The following PLCB1 variants were observed in gnomAD, a reference collection of about 807,000 sequenced individuals.
The protein encoded by PLCB1 is phospholipase C beta 1.
A neutral mutation model predicts 161.8 loss-of-function variants in PLCB1; 46 were observed. That is an observed-to-expected ratio of 0.28 (90% CI 0.22 to 0.36). The LOEUF is 0.36. PLCB1 is among the 10% of genes least tolerant of loss of function. The pLI is 1.00. For synonymous variants in PLCB1, 517 were observed against 503.7 expected (o/e 1.03, Z -0.35); for missense variants, 1,016 against 1,472.5 (o/e 0.69, Z 5.07).
At chr20:8,504,350 T>A (rs1036227724) in intron 3 of PLCB1, among the ~76,000 whole-genome samples, 2 of 152,148 alleles carry the variant, frequency 1.3e-5, no homozygotes, top group African/African-American at 4.8e-5. Context: ...ACAAACAACA[T>A]GGCCACACCT....
At chr20:8,133,364 C>T (rs2051312668) in intron 1 of PLCB1, among the ~76,000 whole-genome samples, 2 of 152,038 alleles carry the variant, frequency 1.3e-5, no homozygotes, top group Admixed American at 1.3e-4. Context: ...AGGGCGTGAA[C>T]AGAATGGGGG....
At chr20:8,198,876 G>A (rs543929491) in intron 2 of PLCB1, among the ~76,000 whole-genome samples, 1 of 151,794 alleles carries the variant, frequency 6.6e-6, no homozygotes, top group Non-Finnish European at 1.5e-5. Flanking sequence ...TTTCAATAAA[G>A]CTCCACAAAT....
chr20:8,694,465 C>T, intron 10 of PLCB1, among the ~76,000 whole-genome samples: 1 of 152,100 alleles, frequency 6.6e-6, no homozygotes, highest in Non-Finnish European at 1.5e-5. Flanking sequence ...TCTCACAAAC[C>T]CAACCTCATG....
chr20:8,386,189 G>A (rs1207153849), intron 3 of PLCB1, among the ~76,000 whole-genome samples: 1 of 152,136 alleles, frequency 6.6e-6, no homozygotes, highest in Non-Finnish European at 1.5e-5. Flanking sequence ...ATGGCATCTA[G>A]AATGGTGAAT....
intron 9 of PLCB1, among the ~76,000 whole-genome samples, chr20:8,679,942 A>G (rs1990174703): frequency 6.6e-6 from 1 of 152,202 alleles, no homozygotes; most frequent in Non-Finnish European, 1.5e-5. Flanking sequence ...ATAATTCCTA[A>G]TATATTAGCC....
At chr20:8,377,210 A>G (rs963735449) in intron 3 of PLCB1, among the ~76,000 whole-genome samples, 12 of 152,098 alleles carry the variant, frequency 7.9e-5, no homozygotes, top group Non-Finnish European at 1.5e-4. Context: ...CTGCTGCTTT[A>G]CAGAGCCATA....
intron 27 of PLCB1, among the ~76,000 whole-genome samples, chr20:8,777,230 A>C (rs1219577483): frequency 6.6e-6 from 1 of 152,128 alleles, no homozygotes; most frequent in Admixed American, 6.6e-5. Flanking sequence ...GCTTTTGAGC[A>C]GAGGATTGAT....
chr20:8,642,713 T>C (rs997110401), intron 4 of PLCB1, among the ~76,000 whole-genome samples: 11 of 152,210 alleles, frequency 7.2e-5, no homozygotes, highest in Non-Finnish European at 1.3e-4. Flanking sequence ...ACGAGATAAA[T>C]AGTGAAACAC....
chr20:8,820,393 T>A (rs183651178), intron 31 of PLCB1, among the ~76,000 whole-genome samples: 1 of 152,210 alleles, frequency 6.6e-6, no homozygotes, highest in Admixed American at 6.5e-5. Flanking sequence ...CTCAAGCTCA[T>A]TAGTAATCAA....
At chr20:8,523,488 CTCTCTCTCTATATATA>C (rs1211290930) in intron 3 of PLCB1, among the ~76,000 whole-genome samples, 3 of 59,370 alleles carry the variant, frequency 5.1e-5, no homozygotes, top group African/African-American at 9.4e-5. Flanking sequence ...CTCTCTCTCT[CTCTCTCTCTATATATA>C]TATATATATA....
chr20:8,346,153 T>C (rs1026725999), intron 2 of PLCB1, among the ~76,000 whole-genome samples: 2 of 152,188 alleles, frequency 1.3e-5, no homozygotes, highest in Non-Finnish European at 2.9e-5. Context: ...AGTAAAAGTA[T>C]TCAGGTTGTC....
intron 11 of PLCB1, among the ~76,000 whole-genome samples, chr20:8,700,917 A>G (rs186186890): frequency 6.7e-4 from 102 of 152,322 alleles, no homozygotes; most frequent in African/African-American, 2.2e-3. Flanking sequence ...ATGCCAACCT[A>G]TTTTGCAGAC....
chr20:8,161,278 A>G (rs62198534), intron 2 of PLCB1, among the ~76,000 whole-genome samples: 68,587 of 151,978 alleles, frequency 0.45, 15,615 homozygotes, highest in Middle Eastern at 0.57. Context: ...GCCGTGCTAC[A>G]TATATACATA....
chr20:8,781,358 A>T (rs1040406624), intron 27 of PLCB1, among the ~76,000 whole-genome samples: 3 of 151,604 alleles, frequency 2.0e-5, no homozygotes, highest in Non-Finnish European at 4.4e-5. Context: ...ATTTTTGTCA[A>T]TTTTCCTGAT....
intron 9 of PLCB1, among the ~76,000 whole-genome samples, chr20:8,668,135 G>A (rs951453894): frequency 2.0e-5 from 3 of 150,970 alleles, no homozygotes; most frequent in African/African-American, 7.3e-5. Flanking sequence ...GAAATAGGTC[G>A]AATGCAGAAA....
chr20:8,730,440 A>G (rs1348977598), intron 18 of PLCB1, among the ~76,000 whole-genome samples: 2 of 151,544 alleles, frequency 1.3e-5, no homozygotes, highest in Non-Finnish European at 2.9e-5. Context: ...TATCTTTTCC[A>G]TTAATAAATT....
At chr20:8,629,345 C>T (rs1988456798) in intron 4 of PLCB1, among the ~76,000 whole-genome samples, 1 of 152,216 alleles carries the variant, frequency 6.6e-6, no homozygotes, top group Non-Finnish European at 1.5e-5. Context: ...TGCCATTTCA[C>T]TAGGAGCAAG....
chr20:8,382,792 C>T (rs757297294), intron 3 of PLCB1, among the ~76,000 whole-genome samples: 2 of 152,146 alleles, frequency 1.3e-5, no homozygotes, highest in Non-Finnish European at 2.9e-5. Context: ...CATGACCAGC[C>T]CACCTCGGCC....
intron 2 of PLCB1, among the ~76,000 whole-genome samples, chr20:8,178,841 C>A (rs2051809557): frequency 1.3e-5 from 2 of 152,116 alleles, no homozygotes; most frequent in Non-Finnish European, 2.9e-5. Flanking sequence ...CTGTTTCAAT[C>A]TTCTGCATAG....
Sources: gnomAD v4.1 joint callset for allele counts (sites outside exome capture counted in the v4.1 genomes callset) on GRCh38, gnomAD v4.1.1 for gene constraint, MANE v1.5 for transcripts, NCBI Gene and HGNC (gene_info 2026-07-23, HGNC 2026-07-21) for gene names.